PRKN: variants seen among roughly 807,000 people sequenced by gnomAD.
The protein encoded by PRKN is parkin RBR E3 ubiquitin protein ligase.
PRKN carries 56 observed loss-of-function variants against 59.5 expected under a neutral mutation model. That is an observed-to-expected ratio of 0.94 (90% CI 0.76 to 1.18). The LOEUF is 1.18. PRKN is among the 50% of genes most tolerant of loss of function. PRKN has a pLI of 0.00. For missense variants in PRKN, 657 were observed against 596.4 expected (o/e 1.10, Z -1.06); for synonymous variants, 250 against 222.1 (o/e 1.13, Z -1.12).
chr6:162,094,372 G>A (rs1218392583), intron 4 of PRKN, among the ~76,000 whole-genome samples: 2 of 152,070 alleles, frequency 1.3e-5, no homozygotes, highest in African/African-American at 2.4e-5. Context: ...TGGTCTCAGC[G>A]ACATGGGAGG....
chr6:162,049,682 C>G (rs1175295067), intron 5 of PRKN, among the ~76,000 whole-genome samples: 1 of 152,122 alleles, frequency 6.6e-6, no homozygotes, highest in Non-Finnish European at 1.5e-5. Flanking sequence ...TGTTTGTTCC[C>G]TTATTTCCAT....
chr6:161,521,666 G>A (rs1024449551), intron 9 of PRKN, among the ~76,000 whole-genome samples: 1 of 152,104 alleles, frequency 6.6e-6, no homozygotes, highest in African/African-American at 2.4e-5. Flanking sequence ...CATTACTAAC[G>A]TGGCAAGCTC....
At chr6:162,633,238 AGCCTGGCCG>A (rs1777581141) in intron 1 of PRKN, among the ~76,000 whole-genome samples, 1 of 151,826 alleles carries the variant, frequency 6.6e-6, no homozygotes, top group South Asian at 2.1e-4. Context: ...GTTCGAGACC[AGCCTGGCCG>A]ACGTGGTGAA....
intron 2 of PRKN, among the ~76,000 whole-genome samples, chr6:162,354,677 T>C (rs1168226445): frequency 6.6e-6 from 1 of 152,002 alleles, no homozygotes; most frequent in Non-Finnish European, 1.5e-5. Context: ...ATTTAACAGA[T>C]ATATATATTT....
chr6:162,454,084 T>C (rs1367128722), intron 1 of PRKN, among the ~76,000 whole-genome samples: 1 of 152,208 alleles, frequency 6.6e-6, no homozygotes, highest in East Asian at 1.9e-4. Context: ...ATCTACCTCC[T>C]AAAGTTGTTG....
intron 6 of PRKN, among the ~76,000 whole-genome samples, chr6:161,908,677 A>C (rs1027817678): frequency 2.0e-5 from 3 of 149,636 alleles, no homozygotes; most frequent in Non-Finnish European, 1.5e-5. Flanking sequence ...AAAAAAAAAA[A>C]CACCAGTTCT....
chr6:161,780,005 T>A lies in PRKN; in HGVS notation c.871+5767A>T, dbSNP rs565849650. 2.6e-5 allele frequency among the ~76,000 whole-genome samples: 4 copies of A among 152,222 alleles called. No homozygotes were observed. In the South Asian group the frequency reaches 8.3e-4, roughly 32 times the overall value. ...CACAATATGTATATGTTTACTGGAG[T>A]GCATGCTTAAATCACAACCAAAATA... On this transcript the variant is annotated intron_variant, in intron 7 of 11. Transcript: ENST00000366898.
At chr6:162,085,992 CT>C (rs1232043231) in intron 4 of PRKN, among the ~76,000 whole-genome samples, 1 of 152,156 alleles carries the variant, frequency 6.6e-6, no homozygotes, top group Non-Finnish European at 1.5e-5. Flanking sequence ...ATTAGTCCCC[CT>C]AATATTTCCT....
intron 7 of PRKN, among the ~76,000 whole-genome samples, chr6:161,650,472 G>A (rs1245570331): frequency 6.6e-6 from 1 of 152,038 alleles, no homozygotes; most frequent in Non-Finnish European, 1.5e-5. Context: ...ACAAACTTGT[G>A]TCACCAGAAA....
chr6:162,599,656 C>T (rs542648440), intron 1 of PRKN, among the ~76,000 whole-genome samples: 2 of 152,196 alleles, frequency 1.3e-5, no homozygotes, highest in East Asian at 1.9e-4. Flanking sequence ...CAAGTGAAAA[C>T]GTCAGGGTAC....
At chr6:162,718,148 T>C (rs2803104) in intron 1 of PRKN, among the ~76,000 whole-genome samples, 1 of 151,810 alleles carries the variant, frequency 6.6e-6, no homozygotes. Flanking sequence ...AACTCACACA[T>C]ATTTGTCCAT....
chr6:162,012,722 T>G (rs546496321), intron 5 of PRKN, among the ~76,000 whole-genome samples: 1 of 152,272 alleles, frequency 6.6e-6, no homozygotes, highest in Non-Finnish European at 1.5e-5. Context: ...GCATTGAGTT[T>G]TCATGTACTT....
At chr6:161,927,222 T>G (rs1779002372) in intron 6 of PRKN, among the ~76,000 whole-genome samples, 1 of 152,246 alleles carries the variant, frequency 6.6e-6, no homozygotes, top group African/African-American at 2.4e-5. Flanking sequence ...CAAACCCACT[T>G]GCATGTACAT....
In PRKN at chr6:161,384,200, G is replaced by A. The variant is rs111281138; in HGVS notation, c.1167+2594C>T. On this transcript the variant is annotated intron_variant, in intron 10 of 11. Coordinates refer to ENST00000366898, the MANE Select transcript of PRKN (RefSeq NM_004562.3). Reference sequence around the variant, plus strand: ...GGGACGTTGTCTTACTCTTTGTCCCGAGGGCCTAGAACCATGCCTAACATA... The same window carrying A: ...GGGACGTTGTCTTACTCTTTGTCCCAAGGGCCTAGAACCATGCCTAACATA... Among the ~76,000 whole-genome samples the A allele has an allele frequency of 1.2e-3, 186 of 152,274 alleles. 2 individuals are homozygous for A. The highest frequency in any genetic ancestry group is 4.4e-3 in the African/African-American group (183 of 41,554).
chr6:162,014,574 G>C (rs900817972), intron 5 of PRKN, among the ~76,000 whole-genome samples: 1 of 152,184 alleles, frequency 6.6e-6, no homozygotes, highest in African/African-American at 2.4e-5. Flanking sequence ...CCCTTGACCA[G>C]TGCACCATTC....
chr6:162,004,384 C>T (rs187180244), intron 5 of PRKN, among the ~76,000 whole-genome samples: 2 of 152,148 alleles, frequency 1.3e-5, no homozygotes, highest in East Asian at 1.9e-4. Flanking sequence ...GTACAGCCTG[C>T]AGAACCATGA....
intron 1 of PRKN, among the ~76,000 whole-genome samples, chr6:162,631,949 C>T (rs1177859561): frequency 6.7e-6 from 1 of 149,266 alleles, no homozygotes; most frequent in Non-Finnish European, 1.5e-5. Context: ...AATAAGATAC[C>T]ATCTTATACC....
intron 1 of PRKN, among the ~76,000 whole-genome samples, chr6:162,508,249 A>G (rs1793693678): frequency 6.6e-6 from 1 of 152,144 alleles, no homozygotes; most frequent in African/African-American, 2.4e-5. Flanking sequence ...AACTGCCCCC[A>G]TGATTCAAAT....
rs1261752267 is a variant in PRKN at position 161,454,447 on chromosome 6, AG to A, written c.1084-67571del. 6.6e-6 allele frequency among the ~76,000 whole-genome samples: 1 copy of A among 152,222 alleles called. No homozygotes were observed. The highest frequency in any genetic ancestry group is 1.5e-5 in the Non-Finnish European group (1 of 68,044). ...TTTCCAATTCCTTCCTTAACCAGGC[AG>A]GAGGAACAGCAGTTCATTCGTGGTC... On this transcript the variant is annotated intron_variant, in intron 9 of 11. Coordinates refer to ENST00000366898, the MANE Select transcript of PRKN (RefSeq NM_004562.3). This position sits in a 1 kb window ranked among gnomAD's most constrained non-coding sequence, Gnocchi z 4.6.
Sources: allele counts gnomAD v4.1 joint callset (sites outside exome capture counted in the v4.1 genomes callset), GRCh38; gene constraint gnomAD v4.1.1; non-coding constraint Gnocchi (gnomAD v3.1); transcripts MANE v1.5; gene names NCBI Gene and HGNC (gene_info 2026-07-23, HGNC 2026-07-21).